DRC10: variants seen among roughly 807,000 people sequenced by gnomAD.
The protein encoded by DRC10 is IQ domain-containing protein D.
the DRC10 span, chr12:113,197,511 T>C: frequency 2.8e-5 from 40 of 1,447,112 alleles, no homozygotes; most frequent in Non-Finnish European, 3.8e-5. Context: ...GGGAAAAGCA[T>C]GCGAGAGAGA....
chr12:113,195,543 G>A, the DRC10 span: 1 of 1,544,718 alleles, frequency 6.5e-7, no homozygotes, highest in South Asian at 1.2e-5. Flanking sequence ...TCTCTGGGAA[G>A]ATAAGGGTCA....
the DRC10 span, chr12:113,200,897 G>A: frequency 9.6e-7 from 1 of 1,043,684 alleles, no homozygotes; most frequent in African/African-American, 1.6e-5. Context: ...CCAACACTTA[G>A]GGAGGCTGAG....
the DRC10 span, among the ~76,000 whole-genome samples, chr12:113,220,477 C>A: frequency 6.6e-6 from 1 of 151,230 alleles, no homozygotes; most frequent in South Asian, 2.1e-4. Flanking sequence ...TGGCCTAGAA[C>A]TCCTGACCTC....
chr12:113,207,334 C>T, the DRC10 span: 28 of 946,058 alleles, frequency 3.0e-5, no homozygotes, highest in African/African-American at 2.2e-4. Context: ...GACAACAGAG[C>T]GAGACTCCAT....
At chr12:113,204,628 GA>G in the DRC10 span, among the ~76,000 whole-genome samples, 1 of 152,226 alleles carries the variant, frequency 6.6e-6, no homozygotes, top group East Asian at 1.9e-4. Context: ...GCCCTTTGTA[GA>G]AAAAGTTGGG....
chr12:113,212,787 A>G, the DRC10 span, among the ~76,000 whole-genome samples: 1 of 152,186 alleles, frequency 6.6e-6, no homozygotes, highest in Non-Finnish European at 1.5e-5. Context: ...CTTGAATCCT[A>G]ATATGATCAT....
the DRC10 span, among the ~76,000 whole-genome samples, chr12:113,197,190 CTT>C: frequency 0.044 from 5,219 of 119,862 alleles, 236 homozygotes; most frequent in East Asian, 0.21. Context: ...TAGCCAGTCG[CTT>C]TTTTTTTTTT....
chr12:113,207,301 T>C, the DRC10 span: 2 of 786,058 alleles, frequency 2.5e-6, no homozygotes, highest in African/African-American at 3.4e-5. Context: ...TGAGTCGAGA[T>C]TACACCACTG....
At chr12:113,207,093 T>C in the DRC10 span, 1 of 368,650 alleles carries the variant, frequency 2.7e-6, no homozygotes, top group Admixed American at 4.1e-5. Flanking sequence ...CCAGGCGCAG[T>C]GGCCAGCACT....
At chr12:113,208,848 C>T in the DRC10 span, among the ~76,000 whole-genome samples, 1 of 152,172 alleles carries the variant, frequency 6.6e-6, no homozygotes, top group Admixed American at 6.5e-5. Context: ...TATGTCTGAG[C>T]AGGACAGGGA....
the DRC10 span, chr12:113,195,548 G>C: frequency 6.5e-7 from 1 of 1,547,504 alleles, no homozygotes; most frequent in Non-Finnish European, 8.8e-7. Context: ...GGGAAGATAA[G>C]GGTCAGGAGC....
the DRC10 span, among the ~76,000 whole-genome samples, chr12:113,204,206 G>C: frequency 2.0e-5 from 3 of 152,360 alleles, 1 homozygote; most frequent in African/African-American, 7.2e-5. Context: ...ATGCACTCAA[G>C]CCTGGGTGAC....
chr12:113,219,793 C>CTTAT, the DRC10 span, among the ~76,000 whole-genome samples: 8,598 of 151,464 alleles, frequency 0.057, 612 homozygotes, highest in African/African-American at 0.16. Flanking sequence ...CCACCTCAGC[C>CTTAT]TTATTTATTT....
the DRC10 span, chr12:113,195,877 C>G: frequency 4.4e-6 from 7 of 1,605,994 alleles, no homozygotes; most frequent in Admixed American, 1.0e-4. Context: ...GCGTCCAGAT[C>G]CTCCAACTCC....
the DRC10 span, among the ~76,000 whole-genome samples, chr12:113,204,944 C>T: frequency 0.097 from 14,781 of 151,652 alleles, 826 homozygotes; most frequent in East Asian, 0.21. Context: ...AAAAATAGTT[C>T]GCTGATCCCT....
the DRC10 span, among the ~76,000 whole-genome samples, chr12:113,210,515 A>G: frequency 6.6e-6 from 1 of 151,788 alleles, no homozygotes; most frequent in Non-Finnish European, 1.5e-5. Flanking sequence ...TAATCCTAGC[A>G]CTTTGGGAGG....
chr12:113,208,706 C>T, the DRC10 span, among the ~76,000 whole-genome samples: 3 of 152,064 alleles, frequency 2.0e-5, no homozygotes, highest in East Asian at 1.9e-4. Flanking sequence ...GAGACATTGC[C>T]GGAAATGCAG....
chr12:113,199,589 G>A, the DRC10 span, among the ~76,000 whole-genome samples: 2 of 152,134 alleles, frequency 1.3e-5, no homozygotes, highest in African/African-American at 2.4e-5. Flanking sequence ...ATGCTCAAGA[G>A]TGTGACACTA....
chr12:113,207,525 A>G, the DRC10 span: 1 of 1,613,864 alleles, frequency 6.2e-7, no homozygotes, highest in Non-Finnish European at 8.5e-7. Flanking sequence ...GTCTACTGAT[A>G]TCCTGTAAGA....
Sources: allele counts gnomAD v4.1 joint callset (sites outside exome capture counted in the v4.1 genomes callset), GRCh38; gene constraint gnomAD v4.1.1; transcripts MANE v1.5; gene names NCBI Gene and HGNC (gene_info 2026-07-23, HGNC 2026-07-21).